KCNIP4: variants seen among roughly 807,000 people sequenced by gnomAD.
The protein encoded by KCNIP4 is potassium voltage-gated channel interacting protein 4, also known as Kv channel-interacting protein 4.
A neutral mutation model predicts 34.0 loss-of-function variants in KCNIP4; 12 were observed. The observed-to-expected ratio is 0.35, with a 90% confidence interval of 0.23 to 0.57. The LOEUF is 0.57. Ranked by LOEUF, KCNIP4 falls within the 20% of genes least tolerant of loss-of-function variation. The pLI is 0.83. For synonymous variants in KCNIP4, 124 were observed against 102.2 expected (o/e 1.21, Z -1.29); for missense variants, 238 against 311.7 (o/e 0.76, Z 1.78).
intron 1 of KCNIP4, among the ~76,000 whole-genome samples, chr4:21,532,489 A>G (rs1215582675): frequency 6.6e-6 from 1 of 152,200 alleles, no homozygotes; most frequent in Non-Finnish European, 1.5e-5. Context: ...ATTGTTGTGC[A>G]TGCTGAAAGA....
At chr4:21,035,885 C>A (rs987769115) in intron 1 of KCNIP4, among the ~76,000 whole-genome samples, 4 of 152,130 alleles carry the variant, frequency 2.6e-5, no homozygotes, top group African/African-American at 9.7e-5. Context: ...GTGGGACGTG[C>A]TTGAGAGTTT....
At chr4:20,907,253 T>C (rs1476752395) in intron 1 of KCNIP4, among the ~76,000 whole-genome samples, 3 of 152,144 alleles carry the variant, frequency 2.0e-5, no homozygotes, top group Non-Finnish European at 4.4e-5. Context: ...TATTACGGTG[T>C]TTTGGAAATT....
chr4:20,919,670 T>G (rs2149584341), intron 1 of KCNIP4, among the ~76,000 whole-genome samples: 1 of 125,242 alleles, frequency 8.0e-6, no homozygotes, highest in Middle Eastern at 6.5e-3. Context: ...ACCACTGCAC[T>G]CCAGCCTGGG....
chr4:21,767,112 G>A (rs1718469790), intron 1 of KCNIP4, among the ~76,000 whole-genome samples: 1 of 152,128 alleles, frequency 6.6e-6, no homozygotes, highest in Non-Finnish European at 1.5e-5. Flanking sequence ...AAGAGAACTA[G>A]GGAGAAGACT....
intron 1 of KCNIP4, among the ~76,000 whole-genome samples, chr4:21,617,987 T>C (rs1425454707): frequency 6.6e-6 from 1 of 152,192 alleles, no homozygotes; most frequent in East Asian, 1.9e-4. Context: ...AGCTAAAATA[T>C]AAGTGACAGA....
chr4:21,840,885 C>G (rs1411820890), intron 1 of KCNIP4, among the ~76,000 whole-genome samples: 5 of 152,122 alleles, frequency 3.3e-5, no homozygotes, highest in Admixed American at 3.3e-4. Context: ...CCTGTCTCAT[C>G]AATAAATTTC....
intron 1 of KCNIP4, among the ~76,000 whole-genome samples, chr4:21,603,306 G>A (rs1188522101): frequency 1.3e-5 from 2 of 152,010 alleles, no homozygotes; most frequent in African/African-American, 4.8e-5. Flanking sequence ...AGATCATAGA[G>A]ATCACTAAAA....
At chr4:21,669,026 C>G (rs1046578029) in intron 1 of KCNIP4, among the ~76,000 whole-genome samples, 1 of 152,168 alleles carries the variant, frequency 6.6e-6, no homozygotes, top group Admixed American at 6.5e-5. Flanking sequence ...CCTCAGCCTA[C>G]TCAATGTAAA....
chr4:21,667,887 A>C (rs12510071), intron 1 of KCNIP4, among the ~76,000 whole-genome samples: 48,913 of 152,120 alleles, frequency 0.32, 9,216 homozygotes, highest in East Asian at 0.83. Flanking sequence ...ACAGAGGTTC[A>C]CCTTCAGTAC....
At chr4:20,990,762 C>T (rs1026398422) in intron 1 of KCNIP4, among the ~76,000 whole-genome samples, 10 of 152,128 alleles carry the variant, frequency 6.6e-5, no homozygotes, top group African/African-American at 2.4e-4. Context: ...CCCATTTAAT[C>T]CAGTATGCAA....
intron 1 of KCNIP4, among the ~76,000 whole-genome samples, chr4:21,054,526 A>C (rs1206425526): frequency 6.6e-6 from 1 of 152,010 alleles, no homozygotes; most frequent in East Asian, 1.9e-4. Context: ...TCAAAGAAAA[A>C]AAAAAAAAGA....
intron 1 of KCNIP4, among the ~76,000 whole-genome samples, chr4:21,447,923 G>T (rs978710357): frequency 6.6e-6 from 1 of 152,070 alleles, no homozygotes; most frequent in Non-Finnish European, 1.5e-5. Context: ...ACTCAGAATG[G>T]CAAGCAACTT....
At chr4:21,315,184 G>A (rs1036939961) in intron 1 of KCNIP4, 1 of 152,320 alleles carries the variant, frequency 6.6e-6, no homozygotes, top group African/African-American at 2.4e-5. Flanking sequence ...AACGACATAG[G>A]TTAGAGCCCC....
chr4:21,259,838 A>G (rs1303505643), intron 1 of KCNIP4, among the ~76,000 whole-genome samples: 1 of 150,610 alleles, frequency 6.6e-6, no homozygotes, highest in Non-Finnish European at 1.5e-5. Flanking sequence ...CCTTCTATCA[A>G]AGGGAACACT....
intron 1 of KCNIP4, among the ~76,000 whole-genome samples, chr4:21,462,764 ATTGT>A (rs1729572603): frequency 8.5e-6 from 1 of 117,600 alleles, no homozygotes; most frequent in African/African-American, 3.9e-5. Context: ...ATAGTATTCC[ATTGT>A]GTGTGTGTGT....
intron 1 of KCNIP4, among the ~76,000 whole-genome samples, chr4:21,326,704 C>A (rs34392744): frequency 0.33 from 50,281 of 150,716 alleles, 8,361 homozygotes; most frequent in Middle Eastern, 0.42. Flanking sequence ...GTTGTTTTTT[C>A]GGTTTTCTCT....
At chr4:21,522,847 T>G (rs1283160867) in intron 1 of KCNIP4, among the ~76,000 whole-genome samples, 2 of 152,164 alleles carry the variant, frequency 1.3e-5, no homozygotes, top group Non-Finnish European at 2.9e-5. Context: ...GAACATTGCT[T>G]AGCACATAGT....
chr4:21,719,029 A>C (rs1021535542), intron 1 of KCNIP4: 5 of 152,220 alleles, frequency 3.3e-5, no homozygotes, highest in Non-Finnish European at 5.9e-5. Context: ...AAACAAAACA[A>C]GCTAAAGAAT....
At chr4:21,496,202 G>C (rs983158303) in intron 1 of KCNIP4, among the ~76,000 whole-genome samples, 2 of 152,174 alleles carry the variant, frequency 1.3e-5, no homozygotes, top group Non-Finnish European at 2.9e-5. Context: ...TAAGGTGATT[G>C]AGAGTGAGAC....
Sources: allele counts gnomAD v4.1 joint callset (sites outside exome capture counted in the v4.1 genomes callset), GRCh38; gene constraint gnomAD v4.1.1; transcripts MANE v1.5; gene names NCBI Gene and HGNC (gene_info 2026-07-23, HGNC 2026-07-21).